Variants in ATP8A2 observed in about 807,000 individuals in gnomAD.
ATP8A2 encodes ATPase phospholipid transporting 8A2, also known as phospholipid-transporting ATPase IB.
Under a neutral mutation model 165.6 loss-of-function variants are expected in ATP8A2, and 100 were observed. The ratio of observed to expected loss-of-function variants is 0.60; its 90% confidence interval spans 0.51 to 0.71. The LOEUF (loss-of-function observed/expected upper bound fraction) is 0.71. Among genes scored for constraint, ATP8A2 ranks in the 30% least tolerant of loss-of-function variants. The pLI, the probability that ATP8A2 is intolerant of heterozygous loss-of-function variation, is 0.00. For missense variants in ATP8A2, 1,227 were observed against 1,479.5 expected (o/e 0.83, Z 2.80); for synonymous variants, 543 against 548.8 (o/e 0.99, Z 0.15).
intron 2 of ATP8A2, among the ~76,000 whole-genome samples, chr13:25,510,050 C>T (rs2037172465): frequency 6.6e-6 from 1 of 152,180 alleles, no homozygotes; most frequent in Non-Finnish European, 1.5e-5. Context: ...GTTCAACCTG[C>T]AAGGCGTGGA....
chr13:26,024,884 G>A lies in ATP8A2; in HGVS notation c.*4899G>A, dbSNP rs1013798978. 3.3e-5 allele frequency: 5 copies of A among 152,012 alleles called. No homozygotes were observed. The highest frequency in any genetic ancestry group is 7.4e-5 in the Non-Finnish European group (5 of 68,018). The allele number at this position is 152,012 out of a possible 1,614,324, so 9.4% of individuals were successfully genotyped here. A position where few individuals can be genotyped will look rare whatever the true frequency, so the allele number is the denominator to read the frequency against. ...TGACAGAAAGAGGAAGAAGAAAGTT[G>A]GAGTAATAGCACTATCCAAATAACC... On this transcript the variant is annotated 3_prime_UTR_variant, in exon 37 of 37. Transcript: ENST00000381655.
At chr13:25,701,517 G>C (rs1009027633) in intron 25 of ATP8A2, among the ~76,000 whole-genome samples, 15 of 152,114 alleles carry the variant, frequency 9.9e-5, no homozygotes, top group African/African-American at 3.4e-4. Context: ...TGATCAAGGG[G>C]TCATCCCCCT....
intron 25 of ATP8A2, among the ~76,000 whole-genome samples, chr13:25,723,121 A>G (rs1186453689): frequency 1.3e-5 from 2 of 152,270 alleles, no homozygotes; most frequent in African/African-American, 4.8e-5. Flanking sequence ...TTCAAGTGTT[A>G]CATATGATGT....
At chr13:25,376,886 T>A (rs2032646676) in intron 1 of ATP8A2, among the ~76,000 whole-genome samples, 1 of 152,228 alleles carries the variant, frequency 6.6e-6, no homozygotes, top group Admixed American at 6.5e-5. Context: ...AAATAAGCGC[T>A]TACTCACCAG....
chr13:25,594,390 C>T (rs2040176374), intron 24 of ATP8A2, among the ~76,000 whole-genome samples: 1 of 152,076 alleles, frequency 6.6e-6, no homozygotes, highest in Non-Finnish European at 1.5e-5. Flanking sequence ...CTATACAAAA[C>T]CTTGCCAGGA....
intron 1 of ATP8A2, among the ~76,000 whole-genome samples, chr13:25,404,655 C>T (rs946807967): frequency 9.9e-5 from 15 of 152,002 alleles, no homozygotes; most frequent in African/African-American, 2.2e-4. Context: ...TTCTGGTTTG[C>T]GCAACTGGGT....
At chr13:25,568,438 A>AT (rs1320495031) in intron 16 of ATP8A2, among the ~76,000 whole-genome samples, 3 of 152,194 alleles carry the variant, frequency 2.0e-5, no homozygotes, top group Non-Finnish European at 2.9e-5. Flanking sequence ...GCTATTTTAA[A>AT]TTCACCGAAT....
chr13:25,531,317 TTATATATGA>T (rs2038068393), intron 4 of ATP8A2, among the ~76,000 whole-genome samples: 4 of 124,708 alleles, frequency 3.2e-5, no homozygotes, highest in Admixed American at 1.7e-4. Flanking sequence ...GATATATATG[TTATATATGA>T]TATATATATG....
chr13:25,468,811 C>T (rs2035747709), intron 1 of ATP8A2, 166 bp from the exon 2 acceptor site: 1 of 982,978 alleles, frequency 1.0e-6, no homozygotes, highest in Non-Finnish European at 1.2e-6. Flanking sequence ...TGCCGCGGCA[C>T]AGGCGGCGGC....
chr13:25,646,206 C>A (rs2041666452), intron 24 of ATP8A2, among the ~76,000 whole-genome samples: 1 of 152,052 alleles, frequency 6.6e-6, no homozygotes, highest in African/African-American at 2.4e-5. Flanking sequence ...CTTATAAAGT[C>A]TGTTTTGTCT....
intron 16 of ATP8A2, among the ~76,000 whole-genome samples, chr13:25,565,838 G>A (rs1006819711): frequency 2.0e-5 from 3 of 151,744 alleles, no homozygotes; most frequent in Non-Finnish European, 4.4e-5. Context: ...GTCTAGAAGG[G>A]TAATTCACTG....
At chr13:25,570,043 A>G (rs932606360) in intron 16 of ATP8A2, among the ~76,000 whole-genome samples, 2 of 152,220 alleles carry the variant, frequency 1.3e-5, no homozygotes, top group South Asian at 4.1e-4. Flanking sequence ...TCTAATCCCA[A>G]TAAAAAATTA....
rs550307414 is a variant in ATP8A2 at position 25,795,706 on chromosome 13, C to T, written c.2679+20747C>T. 9.2e-5 allele frequency among the ~76,000 whole-genome samples: 14 copies of T among 152,296 alleles called. No homozygotes were observed. The East Asian group carries it at 2.7e-3, about 29-fold the overall frequency. On this transcript the variant is annotated intron_variant, in intron 27 of 36. Coordinates refer to ENST00000381655, the MANE Select transcript of ATP8A2 (RefSeq NM_016529.6). ...TTTGCTGAAAGCATCCTAACATCTACTAGAATAGCGCTATTGATAAGTAGT... is the reference window on the plus strand; with the variant it reads ...TTTGCTGAAAGCATCCTAACATCTATTAGAATAGCGCTATTGATAAGTAGT...
At chr13:25,652,273 C>T (rs2041831105) in intron 24 of ATP8A2, among the ~76,000 whole-genome samples, 1 of 152,148 alleles carries the variant, frequency 6.6e-6, no homozygotes, top group African/African-American at 2.4e-5. Flanking sequence ...CAAATAGCTA[C>T]CTGATTGTTC....
intron 7 of ATP8A2, among the ~76,000 whole-genome samples, chr13:25,539,148 G>T (rs139484559): frequency 0.012 from 1,797 of 151,744 alleles, 36 homozygotes; most frequent in African/African-American, 0.041. Flanking sequence ...CCAGGCTGGA[G>T]TGCAGTGGCT....
chr13:25,771,699 G>A (rs1197428036), intron 26 of ATP8A2, among the ~76,000 whole-genome samples: 1 of 152,168 alleles, frequency 6.6e-6, no homozygotes, highest in East Asian at 1.9e-4. Flanking sequence ...CAGCCCACAT[G>A]TTTCTGTGCA....
intron 2 of ATP8A2, among the ~76,000 whole-genome samples, chr13:25,516,601 G>T (rs1324862830): frequency 6.6e-6 from 1 of 152,082 alleles, no homozygotes; most frequent in African/African-American, 2.4e-5. Context: ...TCCTGTACTT[G>T]TTGAGGCCAG....
chr13:25,737,061 T>C (rs1253725643), intron 25 of ATP8A2, among the ~76,000 whole-genome samples: 5 of 152,014 alleles, frequency 3.3e-5, no homozygotes, highest in South Asian at 4.2e-4. Flanking sequence ...GGAGTTTTAG[T>C]GGAGGGTGGG....
intron 1 of ATP8A2, among the ~76,000 whole-genome samples, chr13:25,451,276 A>C (rs535819413): frequency 6.6e-6 from 1 of 152,126 alleles, no homozygotes; most frequent in Admixed American, 6.5e-5. Flanking sequence ...TTTCCATTAC[A>C]AATTCAATTC....
Sources: allele counts gnomAD v4.1 joint callset (sites outside exome capture counted in the v4.1 genomes callset), GRCh38; gene constraint gnomAD v4.1.1; transcripts MANE v1.5; gene names NCBI Gene and HGNC (gene_info 2026-07-23, HGNC 2026-07-21).